The following TRIM51 variants were observed in gnomAD, a reference collection of about 807,000 sequenced individuals.
TRIM51 encodes the protein tripartite motif-containing 51, also known as tripartite motif-containing protein 51.
In TRIM51, 23 loss-of-function variants were observed where a neutral mutation model predicts 32.7. The observed-to-expected ratio is 0.70, with a 90% CI of 0.51 to 1.00. The LOEUF is 1.00. Ranked by LOEUF, TRIM51 falls within the 50% of genes least tolerant of loss-of-function variation. TRIM51 has a pLI of 0.00. For synonymous variants in TRIM51, 177 were observed against 181.9 expected (o/e 0.97, Z 0.22); for missense variants, 592 against 539.2 (o/e 1.10, Z -0.97).
chr11:55,885,958 C>T, intron 2 of TRIM51, 119 bp downstream of exon 2: 2 of 1,526,890 alleles, frequency 1.3e-6, no homozygotes, highest in Non-Finnish European at 1.8e-6. Flanking sequence ...CTGTTATGAG[C>T]TTCCTTGACT....
In TRIM51 at chr11:55,887,301, G is replaced by GTATA. The variant is rs35687091; in HGVS notation, c.508-715_508-712dup. Among the ~76,000 whole-genome samples the GTATA allele has an allele frequency of 4.9e-3, 692 of 141,816 alleles. 2 individuals carry two copies. The highest frequency in any genetic ancestry group is 0.014 in the African/African-American group (541 of 38,676). The allele number at this position is 141,816 out of a possible 152,430, so 93.0% of individuals were successfully genotyped here. On this transcript the variant is annotated intron_variant, in intron 3 of 6. Transcript: ENST00000449290. ...AATATATATGTGTATCTGGATGTTGGTATATATATATATATATATGGATAC... is the reference window on the plus strand; with the variant it reads ...AATATATATGTGTATCTGGATGTTGGTATATATATATATATATATATATGGATAC...
chr11:55,890,755 A>G (rs1299546337), intron 6 of TRIM51, among the ~76,000 whole-genome samples: 2 of 152,164 alleles, frequency 1.3e-5, no homozygotes, highest in Non-Finnish European at 2.9e-5. Flanking sequence ...AAATCTTCCC[A>G]TTCTTGCCAA....
At chr11:55,890,849 A>T (rs1479694524) in intron 6 of TRIM51, among the ~76,000 whole-genome samples, 1 of 152,184 alleles carries the variant, frequency 6.6e-6, no homozygotes, top group Non-Finnish European at 1.5e-5. Context: ...GCATAAAATA[A>T]TTCATTTTTA....
At chr11:55,887,848 T>G (rs1385459698) in intron 3 of TRIM51, among the ~76,000 whole-genome samples, 184 bp from the exon 4 acceptor site, 3 of 151,954 alleles carry the variant, frequency 2.0e-5, no homozygotes, top group East Asian at 1.9e-4. Flanking sequence ...TAAATGTAAC[T>G]GGGCAGAAAC....
At chr11:55,886,979 A>T (rs1854585835) in intron 3 of TRIM51, among the ~76,000 whole-genome samples, 1 of 152,126 alleles carries the variant, frequency 6.6e-6, no homozygotes, top group South Asian at 2.1e-4. Context: ...TAGAAAATTA[A>T]GGTGTAAAGA....
chr11:55,890,548 G>T (rs1289900006), intron 6 of TRIM51, among the ~76,000 whole-genome samples: 1 of 152,102 alleles, frequency 6.6e-6, no homozygotes, highest in African/African-American at 2.4e-5. Flanking sequence ...AAGTAAAAAT[G>T]GAAATGATAA....
chr11:55,888,246 A>T lies in TRIM51; in HGVS notation c.722A>T (p.Asp241Val). ...EDLKQMCHKA[D>V]VELLQAFGDI... is the part of the protein sequence containing the mutation. ...CTGAAGCAAATGTGCCATAAAGCAG[A>T]TGTGGAGCTACTCCAGGTATGGACT... is the stretch of plus-strand genomic sequence containing the variant. The change falls in exon 4 of 7, where the codon GAT (aspartate) becomes GTT (valine). Residue 241 changes from aspartate to valine, a missense_variant. Transcript: ENST00000449290. 1 of 1,612,280 alleles carries T rather than the reference A, an allele frequency of 6.2e-7. No individual in the cohort carries two copies.
intron 5 of TRIM51, 132 bp downstream of exon 5, chr11:55,889,133 A>G (rs1854615659): frequency 1.3e-5 from 11 of 826,370 alleles, no homozygotes; most frequent in Non-Finnish European, 2.1e-5. Context: ...TCCATCCCCC[A>G]CCCCATGTAG....
At position 55,885,579 on chromosome 11, in the gene TRIM51, C is replaced by A. The variant is rs773715418; in HGVS notation, c.151C>A (p.Gln51Lys). Residue 51 changes from glutamine to lysine, a missense_variant, in exon 2 of 7, where the codon CAG becomes AAG. Physicochemically the swap from Gln to Lys is moderately conservative, Grantham distance 53. Transcript: ENST00000449290. ...LNWQDTAVLA[Q>K]CSECKKTTRQ... ...CTGGCAAGACACGGCAGTTCTTGCT[C>A]AGTGCTCTGAATGCAAGAAGACAAC... 1.9e-6 allele frequency: 3 copies of A among 1,611,802 alleles called. No individual in the cohort carries two copies. In the South Asian group the frequency reaches 3.3e-5, roughly 18 times the overall value.
At chr11:55,889,251 C>T (rs944623124) in intron 5 of TRIM51, among the ~76,000 whole-genome samples, 26 of 151,496 alleles carry the variant, frequency 1.7e-4, no homozygotes, top group Non-Finnish European at 2.9e-4. Context: ...AATAAATAAA[C>T]GAAAGAAAAA....
Position 55,891,539 on chromosome 11 carries a change from T to G in TRIM51, c.1266T>G (p.Phe422Leu). The change falls in exon 7 of 7, where the codon TTT (phenylalanine) becomes TTG (leucine). Residue 422 changes from phenylalanine (F) to leucine (L), a missense_variant. Physicochemically the swap from Phe to Leu is conservative, Grantham distance 22 (BLOSUM62 0). Transcript: ENST00000449290. ...FLDCEGRTVS[F>L]VDVDQSSLIY... ...ATTGTGAAGGTAGAACCGTGAGCTTTGTTGATGTTGATCAAAGTTCCCTGA... is the reference window on the plus strand; with the variant it reads ...ATTGTGAAGGTAGAACCGTGAGCTTGGTTGATGTTGATCAAAGTTCCCTGA... The G allele has an allele frequency of 6.2e-7, 1 of 1,613,624 alleles. No individual in the cohort carries two copies. Among genetic ancestry groups the G allele is most frequent in the Non-Finnish European group, 8.5e-7 (1 of 1,179,704 alleles).
In TRIM51 at chr11:55,885,670, G is replaced by A; in HGVS notation, c.242G>A (p.Ser81Asn). The A allele has an allele frequency of 3.1e-6, 5 of 1,610,998 alleles. No homozygotes were observed. Among genetic ancestry groups the A allele is most frequent in the Non-Finnish European group, 4.2e-6 (5 of 1,179,334 alleles). ...KNMAFIARKASLRQFLSSEEQ... is the reference protein window; with the variant it reads ...KNMAFIARKANLRQFLSSEEQ... ...ATGGCTTTCATTGCCAGAAAAGCCA[G>A]CCTCCGGCAATTCCTTAGCTCTGAG... Residue 81 changes from serine to asparagine, a missense_variant, in exon 2 of 7, where the codon AGC becomes AAC. By Grantham distance (46) the Ser-to-Asn change is conservative. Transcript: ENST00000449290.
Position 55,891,445 on chromosome 11 carries a change from T to G in TRIM51, c.1172T>G (p.Leu391Arg). The G allele has an allele frequency of 1.5e-5, 24 of 1,613,114 alleles. No individual in the cohort carries two copies. The highest frequency in any genetic ancestry group is 2.0e-5 in the Non-Finnish European group (24 of 1,179,738). The change falls in exon 7 of 7, where the codon CTC becomes CGC. Residue 391 changes from leucine to arginine, a missense_variant. Transcript: ENST00000449290. ...GCVKEDTHCS[L>R]FTTSPLVVQY... ...GTTAAGGAGGACACTCACTGCAGTC[T>G]CTTTACCACCTCCCCACTTGTGGTG...
In TRIM51 at chr11:55,888,009, A is replaced by G. The variant is rs556064054; in HGVS notation, c.508-23A>G. 8.7e-6 allele frequency: 13 copies of G among 1,489,686 alleles called. No individual in the cohort carries two copies. The South Asian group carries it at 1.5e-4, about 17-fold the overall frequency. The allele number at this position is 1,489,686 out of a possible 1,614,324, so 92.3% of individuals were successfully genotyped here. On this transcript the variant is annotated intron_variant, in intron 3 of 6. Coordinates refer to ENST00000449290, the MANE Select transcript of TRIM51 (RefSeq NM_032681.4). ...AAGAGAAGATGGGTAAAACATTTCT[A>G]TTTTGACTAATTGTCACTGCAGGAT... is the stretch of plus-strand genomic sequence containing the variant.
rs1328371539 is a variant in TRIM51, at chr11:55,891,571, C to T, written c.1298C>T (p.Thr433Ile). ...GTTGATCAAAGTTCCCTGATATACA[C>T]CATCCCCAATTGCTCCTTCTCACCT... The part of the protein sequence containing the change: ...VDVDQSSLIY[T>I]IPNCSFSPPL... Residue 433 changes from threonine to isoleucine, a missense_variant, in exon 7 of 7, where the codon ACC (threonine) becomes ATC (isoleucine). Transcript: ENST00000449290. The T allele has an allele frequency of 6.2e-7, 1 of 1,613,494 alleles. No individual in the cohort carries two copies. The highest frequency in any genetic ancestry group is 1.3e-5 in the African/African-American group (1 of 74,968).
rs1331789988 is a variant in TRIM51 at position 55,885,525 on chromosome 11, A to G, written c.97A>G (p.Ser33Gly). Reference sequence around the variant, plus strand: ...CCCAGTCACCATAGACTGTGGGCACAGCTTTTGCCGGCCCTGTTTGTACCT... The same window carrying G: ...CCCAGTCACCATAGACTGTGGGCACGGCTTTTGCCGGCCCTGTTTGTACCT... ...LDPVTIDCGH[S>G]FCRPCLYLNW... The change falls in exon 2 of 7, where the codon AGC becomes GGC. Residue 33 changes from serine (S) to glycine (G), a missense_variant. Ser to Gly is a moderately conservative substitution (Grantham distance 56). Coordinates refer to ENST00000449290, the MANE Select transcript of TRIM51 (RefSeq NM_032681.4). 6.2e-7 allele frequency: 1 copy of G among 1,612,108 alleles called. No individual in the cohort carries two copies. Among genetic ancestry groups the G allele is most frequent in the Non-Finnish European group, 8.5e-7 (1 of 1,179,756 alleles).
rs17594658 is a variant in TRIM51, at chr11:55,891,794, T to C, written c.*162T>C. 2 of 824,974 alleles carry C rather than the reference T, an allele frequency of 2.4e-6. No individual in the cohort carries two copies. Among genetic ancestry groups the C allele is most frequent in the Middle Eastern group, 3.8e-4 (1 of 2,644 alleles). The allele number at this position is 824,974 out of a possible 1,614,324, so 51.1% of individuals were successfully genotyped here. ...TCATTTATAGTGTTTCTATTAAATA[T>C]GGTGAAAACATTAAAACCATGTGTA... On this transcript the variant is annotated 3_prime_UTR_variant, in exon 7 of 7. Coordinates refer to ENST00000449290, the MANE Select transcript of TRIM51 (RefSeq NM_032681.4).
rs774558270 is a variant in TRIM51 at position 55,891,118 on chromosome 11, A to T, written c.860-15A>T. On this transcript the variant is annotated splice_polypyrimidine_tract_variant and intron_variant, in intron 6 of 6. Transcript: ENST00000449290. The stretch of plus-strand genomic sequence containing the variant: ...AATTACATGTATCTATATTTTTTAA[A>T]AATTATTTTTGCAGTTGATTTTACT... The T allele has an allele frequency of 2.5e-5, 39 of 1,582,454 alleles. No individual in the cohort carries two copies. Among genetic ancestry groups the T allele is most frequent in the Admixed American group, 5.2e-5 (3 of 57,628 alleles).
intron 5 of TRIM51, among the ~76,000 whole-genome samples, chr11:55,889,604 C>T (rs144249891): frequency 6.6e-6 from 1 of 152,072 alleles, no homozygotes; most frequent in Non-Finnish European, 1.5e-5. Flanking sequence ...AAAAATAACC[C>T]CACTTTTCCA....
Sources: gnomAD v4.1 joint callset for allele counts (sites outside exome capture counted in the v4.1 genomes callset) on GRCh38, gnomAD v4.1.1 for gene constraint, MANE v1.5 for transcripts, NCBI Gene and HGNC (gene_info 2026-07-23, HGNC 2026-07-21) for gene names.